The following ORC2 variants were observed in gnomAD, a reference collection of about 807,000 sequenced individuals.
ORC2 encodes origin recognition complex subunit 2.
A neutral mutation model predicts 77.7 loss-of-function variants in ORC2; 37 were observed. The observed-to-expected ratio is 0.48, with a 90% CI of 0.37 to 0.63. ORC2 has a LOEUF of 0.63. ORC2 is among the 20% of genes least tolerant of loss of function. The pLI is 0.00. For missense variants in ORC2, 557 were observed against 661.9 expected, an observed-to-expected ratio of 0.84 and a Z score of 1.74; for synonymous variants, 201 against 229.5, an observed-to-expected ratio of 0.88 and a Z score of 1.12.
chr2:200,914,154 C>G (rs1201995218), intron 15 of ORC2, among the ~76,000 whole-genome samples, 162 bp from the exon 16 acceptor site: 2 of 150,846 alleles, frequency 1.3e-5, no homozygotes, highest in East Asian at 3.9e-4. Flanking sequence ...AAACAGAAAG[C>G]TTTCTAATTT....
chr2:200,913,316 G>C lies in ORC2; in HGVS notation c.1626C>G (p.His542Gln). The change falls in exon 17 of 18, where the codon CAC (histidine) becomes CAG (glutamine). Residue 542 changes from histidine (H) to glutamine (Q), a missense_variant. Physicochemically the swap from His to Gln is conservative, Grantham distance 24. Coordinates refer to ENST00000234296, the MANE Select transcript of ORC2 (RefSeq NM_006190.5). ...TTACCTTCTTTGTTCTTATAAGCTT[G>C]TGGTCCCTAAATTCAGTTAACTGGG... ...LRAQLTEFRD[H>Q]KLIRTKKGTD... 6.3e-7 allele frequency: 1 copy of C among 1,597,888 alleles called. No homozygotes were observed. Among genetic ancestry groups the C allele is most frequent in the Non-Finnish European group, 8.6e-7 (1 of 1,169,470 alleles).
At chr2:200,934,943 C>T (rs1415981083) in intron 9 of ORC2, among the ~76,000 whole-genome samples, 1 of 152,134 alleles carries the variant, frequency 6.6e-6, no homozygotes, top group Non-Finnish European at 1.5e-5. Context: ...AATGTTCTTC[C>T]AAATGACTCA....
intron 5 of ORC2, among the ~76,000 whole-genome samples, chr2:200,946,697 A>G (rs2041255609): frequency 6.6e-6 from 1 of 152,152 alleles, no homozygotes; most frequent in Non-Finnish European, 1.5e-5. Context: ...GAGAACTACT[A>G]CTTGATTACT....
Position 200,942,701 on chromosome 2 carries a change from A to G in ORC2, c.405T>C (p.Val135=), listed in dbSNP as rs774979775. 28 of 1,602,114 alleles carry G rather than the reference A, an allele frequency of 1.7e-5. 1 individual carries two copies. In the South Asian group the frequency reaches 3.0e-4, roughly 17 times the overall value. ...LKNDPEITIN[V]PQSSKGHSAS... ...ATGTCTTACCCTTGCTACTTTGAGGAACGTTTATCGTAATCTCAGGATCAT... is the reference window on the plus strand; with the variant it reads ...ATGTCTTACCCTTGCTACTTTGAGGGACGTTTATCGTAATCTCAGGATCAT... The change falls in exon 6 of 18, where the codon GTT becomes GTC. Residue 135 remains valine (V), a synonymous_variant. Coordinates refer to ENST00000234296, the MANE Select transcript of ORC2 (RefSeq NM_006190.5).
At chr2:200,944,090 C>T (rs2041205298) in intron 5 of ORC2, among the ~76,000 whole-genome samples, 1 of 152,124 alleles carries the variant, frequency 6.6e-6, no homozygotes, top group African/African-American at 2.4e-5. Flanking sequence ...AAAAATGCTC[C>T]ACCTGATTTT....
At chr2:200,946,665 G>A (rs1438348868) in intron 5 of ORC2, among the ~76,000 whole-genome samples, 4 of 152,098 alleles carry the variant, frequency 2.6e-5, no homozygotes, top group Admixed American at 1.3e-4. Flanking sequence ...TTTAAGTTAT[G>A]AGCATGCTAA....
intron 4 of ORC2, among the ~76,000 whole-genome samples, chr2:200,953,983 AT>A (rs2041415185): frequency 6.6e-6 from 1 of 151,188 alleles, no homozygotes; most frequent in Admixed American, 6.6e-5. Flanking sequence ...CGCCCAGCTA[AT>A]TTTTGTATGT....
chr2:200,959,759 T>A (rs1197305820), intron 1 of ORC2, among the ~76,000 whole-genome samples: 1 of 152,114 alleles, frequency 6.6e-6, no homozygotes, highest in Non-Finnish European at 1.5e-5. Context: ...GTTCATACTT[T>A]GTGTATAAAG....
intron 5 of ORC2, among the ~76,000 whole-genome samples, chr2:200,948,971 A>C (rs888311458): frequency 6.6e-6 from 1 of 151,668 alleles, no homozygotes; most frequent in Non-Finnish European, 1.5e-5. Context: ...GGGCATGGTG[A>C]CTCATGCCTG....
chr2:200,944,332 C>T (rs2041212572), intron 5 of ORC2, among the ~76,000 whole-genome samples: 1 of 152,060 alleles, frequency 6.6e-6, no homozygotes, highest in South Asian at 2.1e-4. Context: ...TGCCATCATG[C>T]CCACCTAATT....
At position 200,913,982 on chromosome 2, in the gene ORC2, T is replaced by C. The variant is rs199982165; in HGVS notation, c.1477A>G (p.Arg493Gly). ...SLTPNARGIF[R>G]LLIKYQLDNQ... is the part of the protein sequence containing the mutation. ...TCCAGCTGGTATTTTATTAGTAGCC[T>C]GAAAATTCCCCTAAAAAAAAAAAAA... Residue 493 changes from arginine (R) to glycine (G), a missense_variant, in exon 16 of 18, where the codon AGG (arginine) becomes GGG (glycine). Coordinates refer to ENST00000234296, the MANE Select transcript of ORC2 (RefSeq NM_006190.5). The C allele has an allele frequency of 4.8e-5, 75 of 1,548,792 alleles. No homozygotes were observed. Among genetic ancestry groups the C allele is most frequent in the Admixed American group, 4.2e-4 (21 of 50,398 alleles).
chr2:200,929,797 A>G (rs1366453469), intron 11 of ORC2, among the ~76,000 whole-genome samples: 1 of 130,262 alleles, frequency 7.7e-6, no homozygotes, highest in African/African-American at 2.6e-5. Context: ...AAAAGAAAAG[A>G]AAAAAAAAAA....
At position 200,935,860 on chromosome 2, in the gene ORC2, A is replaced by G; in HGVS notation, c.547T>C (p.Tyr183His). 6.2e-7 allele frequency: 1 copy of G among 1,613,806 alleles called. No homozygotes were observed. The highest frequency in any genetic ancestry group is 2.2e-5 in the East Asian group (1 of 44,862). Residue 183 changes from tyrosine (Y) to histidine (H), a missense_variant, in exon 9 of 18, where the codon TAT (tyrosine) becomes CAT (histidine). By Grantham distance (83) the Tyr-to-His change is moderately conservative. Coordinates refer to ENST00000234296, the MANE Select transcript of ORC2 (RefSeq NM_006190.5). ...TCATCCTCTGAGTTGGAAGCAGAAT[A>G]TTCGCTTTCACTGTCAGAATGAGAC... ...PRSHSDSESE[Y>H]SASNSEDDEG...
At chr2:200,951,723 T>C (rs1346338916) in intron 4 of ORC2, among the ~76,000 whole-genome samples, 1 of 152,216 alleles carries the variant, frequency 6.6e-6, no homozygotes, top group African/African-American at 2.4e-5. Flanking sequence ...AATACCTATT[T>C]GCCTATTTTT....
Position 200,935,722 on chromosome 2 carries a change from TAGA to T in ORC2, c.682_684del (p.Ser228del), listed in dbSNP as rs2041029985. 2 of 1,612,336 alleles carry T rather than the reference TAGA, an allele frequency of 1.2e-6. No homozygotes were observed. The highest frequency in any genetic ancestry group is 8.5e-7 in the Non-Finnish European group (1 of 1,179,404). On this transcript the variant is annotated inframe_deletion, in exon 9 of 18. Transcript: ENST00000234296. ...ACTGTTTTATCTCTTTTCATTCTCT[TAGA>T]AGGTGTTTCTTTGCCAACAGGAGCT...
chr2:200,910,947 G>A lies in ORC2; in HGVS notation c.*354C>T, dbSNP rs1407104372. On this transcript the variant is annotated 3_prime_UTR_variant, in exon 18 of 18. Coordinates refer to ENST00000234296, the MANE Select transcript of ORC2 (RefSeq NM_006190.5). Reference sequence around the variant, plus strand: ...AAACACACTTGCAAACAATCAGCTCGGGGAGTGTTAAAAGGCCCTCAAAAA... The same window carrying A: ...AAACACACTTGCAAACAATCAGCTCAGGGAGTGTTAAAAGGCCCTCAAAAA... 2.2e-5 allele frequency: 4 copies of A among 178,630 alleles called. No individual in the cohort carries two copies. Among genetic ancestry groups the A allele is most frequent in the Non-Finnish European group, 4.8e-5 (4 of 83,366 alleles). The allele number at this position is 178,630 out of a possible 1,614,324, so 11.1% of individuals were successfully genotyped here. A position where few individuals can be genotyped will look rare whatever the true frequency, so the allele number is the denominator to read the frequency against.
At chr2:200,963,103 A>T (rs891230572) in intron 1 of ORC2, 32 of 201,492 alleles carry the variant, frequency 1.6e-4, no homozygotes, top group African/African-American at 7.1e-4. Flanking sequence ...TCCTTTTCCA[A>T]CCAGAGGGCT....
chr2:200,931,545 C>A, intron 10 of ORC2, 97 bp from the exon 11 acceptor site: 2 of 588,740 alleles, frequency 3.4e-6, no homozygotes, highest in Non-Finnish European at 3.0e-6. Context: ...TAGAAGAAGC[C>A]AATCCAATTG....
At chr2:200,932,466 A>G (rs1242929887) in intron 10 of ORC2, among the ~76,000 whole-genome samples, 3 of 150,668 alleles carry the variant, frequency 2.0e-5, no homozygotes, top group African/African-American at 7.4e-5. Flanking sequence ...CAGCCTCCTG[A>G]GTAGCTGGGA....
Sources: allele counts gnomAD v4.1 joint callset (sites outside exome capture counted in the v4.1 genomes callset), GRCh38; gene constraint gnomAD v4.1.1; transcripts MANE v1.5; gene names NCBI Gene and HGNC (gene_info 2026-07-23, HGNC 2026-07-21).